The following CDH11 variants were observed in gnomAD, a reference collection of about 807,000 sequenced individuals.
CDH11 encodes the protein cadherin 11.
In CDH11, 11 loss-of-function variants were observed where a neutral mutation model predicts 67.8. The observed-to-expected ratio is 0.16, with a 90% CI of 0.10 to 0.27. CDH11 has a LOEUF of 0.27. Among genes scored for constraint, CDH11 ranks in the 10% least tolerant of loss-of-function variants. CDH11 has a pLI of 1.00. For synonymous variants in CDH11, 419 were observed against 400.0 expected (o/e 1.05, Z -0.57); for missense variants, 847 against 1,031.2 (o/e 0.82, Z 2.45).
intron 2 of CDH11, among the ~76,000 whole-genome samples, chr16:65,039,673 C>T (rs1248163864): frequency 6.6e-6 from 1 of 152,084 alleles, no homozygotes; most frequent in Non-Finnish European, 1.5e-5. Flanking sequence ...GTCTAAAACA[C>T]CAAAAGCAAT....
chr16:64,973,632 C>G (rs1382780202), intron 8 of CDH11, among the ~76,000 whole-genome samples: 1 of 152,026 alleles, frequency 6.6e-6, no homozygotes, highest in South Asian at 2.1e-4. Flanking sequence ...ATGGTGAAAT[C>G]GCATCTCTAC....
At chr16:65,023,288 G>A (rs558371871) in intron 2 of CDH11, among the ~76,000 whole-genome samples, 53 of 152,262 alleles carry the variant, frequency 3.5e-4, no homozygotes, top group African/African-American at 1.1e-3. Context: ...TAAAAGTAGC[G>A]AGTTGAATCT....
intron 2 of CDH11, among the ~76,000 whole-genome samples, chr16:65,014,331 G>C (rs1040502291): frequency 1.3e-5 from 2 of 152,128 alleles, no homozygotes; most frequent in African/African-American, 4.8e-5. Flanking sequence ...CAAAAAATCA[G>C]TGAACTTAAT....
intron 11 of CDH11, among the ~76,000 whole-genome samples, chr16:64,953,392 G>A (rs994544388): frequency 2.6e-5 from 4 of 151,868 alleles, no homozygotes; most frequent in African/African-American, 4.8e-5. Flanking sequence ...TCTGGCTCTA[G>A]TAGACCTGAT....
At chr16:65,107,229 T>C (rs1383214758) in intron 1 of CDH11, among the ~76,000 whole-genome samples, 1 of 152,218 alleles carries the variant, frequency 6.6e-6, no homozygotes, top group East Asian at 1.9e-4. Context: ...ATTAGCTGCA[T>C]AATATTGGGA....
At chr16:65,038,130 C>T (rs745857133) in intron 2 of CDH11, among the ~76,000 whole-genome samples, 5 of 151,966 alleles carry the variant, frequency 3.3e-5, no homozygotes, top group Admixed American at 6.6e-5. Context: ...CTTTTTACTC[C>T]GGGAAGATCT....
chr16:65,107,298 C>G (rs2075081023), intron 1 of CDH11, among the ~76,000 whole-genome samples: 1 of 152,180 alleles, frequency 6.6e-6, no homozygotes, highest in South Asian at 2.1e-4. Context: ...ATAATTATAG[C>G]TTCTACCTCA....
Position 64,972,976 on chromosome 16 carries a change from T to G in CDH11, c.1318A>C (p.Ile440Leu), listed in dbSNP as rs2072053402. 1 of 1,613,418 alleles carries G rather than the reference T, an allele frequency of 6.2e-7. No individual in the cohort carries two copies. Among genetic ancestry groups the G allele is most frequent in the East Asian group, 2.2e-5 (1 of 44,860 alleles). The change falls in exon 9 of 13, where the codon ATT becomes CTT. Residue 440 changes from isoleucine (I) to leucine (L), a missense_variant. This residue lies in a region of CDH11 where 612 missense variants were observed against 678.7 expected (regional missense o/e 0.90). Transcript: ENST00000268603. ...FFTINPEDGF[I>L]KTTKPLDREE... ...CTATCCAGAGGTTTTGTAGTTTTAA[T>G]AAAACCATCCTCTGGATTAATAGTG... is the stretch of plus-strand genomic sequence containing the variant.
At chr16:65,098,281 T>C (rs1004522918) in intron 1 of CDH11, among the ~76,000 whole-genome samples, 2 of 152,172 alleles carry the variant, frequency 1.3e-5, no homozygotes, top group African/African-American at 4.8e-5. Context: ...TACTAAGGGA[T>C]GACAGAACAA....
intron 2 of CDH11, among the ~76,000 whole-genome samples, chr16:65,029,265 T>G (rs2073593170): frequency 6.6e-6 from 1 of 152,086 alleles, no homozygotes; most frequent in Admixed American, 6.5e-5. Context: ...AGATGTCACT[T>G]AGAGAAAACT....
intron 1 of CDH11, among the ~76,000 whole-genome samples, chr16:65,110,651 T>A: frequency 6.6e-6 from 1 of 151,064 alleles, no homozygotes; most frequent in South Asian, 2.1e-4. Context: ...TGTGTGTGTG[T>A]GTGTGTGTGT....
chr16:65,040,656 T>C (rs911007488), intron 2 of CDH11, among the ~76,000 whole-genome samples: 1 of 152,164 alleles, frequency 6.6e-6, no homozygotes, highest in Non-Finnish European at 1.5e-5. Context: ...TGTATACATA[T>C]GTAACAAACC....
At chr16:65,053,271 C>T (rs749856693) in intron 2 of CDH11, among the ~76,000 whole-genome samples, 1 of 152,130 alleles carries the variant, frequency 6.6e-6, no homozygotes, top group Non-Finnish European at 1.5e-5. Context: ...CCTGGCAGTC[C>T]AGTAAATGGC....
intron 1 of CDH11, among the ~76,000 whole-genome samples, chr16:65,083,150 A>G (rs561247086): frequency 6.6e-6 from 1 of 152,320 alleles, no homozygotes; most frequent in African/African-American, 2.4e-5. Flanking sequence ...TGAAACACAG[A>G]AAGTTTGAGT....
At chr16:64,970,349 T>A (rs1332833221) in intron 11 of CDH11, among the ~76,000 whole-genome samples, 1 of 152,192 alleles carries the variant, frequency 6.6e-6, no homozygotes, top group Non-Finnish European at 1.5e-5. Flanking sequence ...TCTGCTTTAA[T>A]CATCAGCACG....
intron 2 of CDH11, among the ~76,000 whole-genome samples, chr16:65,030,337 C>A (rs2073618745): frequency 6.6e-6 from 1 of 152,202 alleles, no homozygotes; most frequent in African/African-American, 2.4e-5. Flanking sequence ...AAATTCTAAT[C>A]TAACTCAAAA....
In CDH11 at chr16:64,982,301, G is replaced by T; in HGVS notation, c.1000C>A (p.Pro334Thr). Reference sequence around the variant, plus strand: ...GCTCTTTTGGTTTCAAAATCTACAGGCTGGCAAGAATGAAGAGAAGATTGA... The same window carrying T: ...GCTCTTTTGGTTTCAAAATCTACAGTCTGGCAAGAATGAAGAGAAGATTGA... ...TQEGVIKLKKPVDFETKRAYS... is the reference protein window; with the variant it reads ...TQEGVIKLKKTVDFETKRAYS... The change falls in exon 8 of 13, where the codon CCT becomes ACT. Residue 334 changes from proline to threonine, a missense_variant and splice_region_variant. Around this residue, in one of 2 missense-constraint regions of CDH11, gnomAD observed 612 missense variants for 678.7 expected, o/e 0.90. Coordinates refer to ENST00000268603, the MANE Select transcript of CDH11 (RefSeq NM_001797.4). The T allele has an allele frequency of 6.2e-7, 1 of 1,609,092 alleles. No individual in the cohort carries two copies. Among genetic ancestry groups the T allele is most frequent in the Non-Finnish European group, 8.5e-7 (1 of 1,176,742 alleles).
Position 64,946,277 on chromosome 16 carries a change from A to G in CDH11, c.*1326T>C. 1 of 1,046,574 alleles carries G rather than the reference A, an allele frequency of 9.6e-7. No individual in the cohort carries two copies. Among genetic ancestry groups the G allele is most frequent in the Non-Finnish European group, 1.2e-6 (1 of 867,430 alleles). The allele number at this position is 1,046,574 out of a possible 1,614,324, so 64.8% of individuals were successfully genotyped here. A position where few individuals can be genotyped will look rare whatever the true frequency, so the allele number is the denominator to read the frequency against. ...AGTCTTACAATAGCCTGGTAAGTTC[A>G]ACAGAAGAAAAAATAGAATAACATT... On this transcript the variant is annotated 3_prime_UTR_variant, in exon 13 of 13. Transcript: ENST00000268603.
chr16:65,090,276 TC>T (rs2074772027), intron 1 of CDH11, among the ~76,000 whole-genome samples: 2 of 152,136 alleles, frequency 1.3e-5, no homozygotes. Context: ...AACATTGTGT[TC>T]CTGCTTTGAA....
Sources: allele counts gnomAD v4.1 joint callset (sites outside exome capture counted in the v4.1 genomes callset), GRCh38; gene constraint gnomAD v4.1.1; regional missense constraint gnomAD v4.1.1; transcripts MANE v1.5; gene names NCBI Gene and HGNC (gene_info 2026-07-23, HGNC 2026-07-21).